The following CCDC146 variants were observed in gnomAD, a reference collection of about 807,000 sequenced individuals.
CCDC146 encodes the protein coiled-coil domain-containing protein 146.
CCDC146 carries 92 observed loss-of-function variants against 119.3 expected under a neutral mutation model. The observed-to-expected ratio is 0.77, with a 90% CI of 0.65 to 0.92. The LOEUF is 0.92. Ranked by LOEUF, CCDC146 falls within the 40% of genes least tolerant of loss-of-function variation. The probability of loss-of-function intolerance (pLI) is 0.00; values close to 1 mark genes in which losing one functional copy is unlikely to be tolerated. For missense variants in CCDC146, 1,000 were observed against 1,103.0 expected (o/e 0.91, Z 1.32); for synonymous variants, 372 against 371.8 (o/e 1.00, Z -0.01).
chr7:77,175,986 G>A (rs977818381), intron 2 of CCDC146, among the ~76,000 whole-genome samples: 2 of 151,194 alleles, frequency 1.3e-5, no homozygotes, highest in South Asian at 4.1e-4. Flanking sequence ...GGAAAGGGAG[G>A]CTTGACTGCT....
At chr7:77,187,426 T>C (rs1317111353) in intron 2 of CCDC146, among the ~76,000 whole-genome samples, 3 of 152,230 alleles carry the variant, frequency 2.0e-5, no homozygotes, top group Admixed American at 2.0e-4. Context: ...GTACATAAGC[T>C]CAGTCCAAAA....
At chr7:77,222,391 A>C (rs968788673) in intron 2 of CCDC146, among the ~76,000 whole-genome samples, 1 of 152,204 alleles carries the variant, frequency 6.6e-6, no homozygotes, top group African/African-American at 2.4e-5. Flanking sequence ...TCTTCAAAAC[A>C]TGAAGGTGGG....
chr7:77,149,078 T>C (rs1791068518), intron 1 of CCDC146, among the ~76,000 whole-genome samples: 1 of 152,078 alleles, frequency 6.6e-6, no homozygotes. Context: ...CTTCAAACTA[T>C]ACTACAAAGC....
intron 1 of CCDC146, among the ~76,000 whole-genome samples, chr7:77,144,841 T>G (rs1375469801): frequency 2.0e-5 from 3 of 151,746 alleles, no homozygotes; most frequent in African/African-American, 4.9e-5. Flanking sequence ...GAGGATTTTT[T>G]CATCGATGTT....
chr7:77,230,518 GTC>G (rs1491049269), intron 2 of CCDC146, among the ~76,000 whole-genome samples: 1 of 151,754 alleles, frequency 6.6e-6, no homozygotes, highest in East Asian at 1.9e-4. Context: ...GTGTGTGTGT[GTC>G]TGTTTTTTCT....
chr7:77,162,492 CT>C (rs1466319553), intron 1 of CCDC146, among the ~76,000 whole-genome samples: 1 of 152,038 alleles, frequency 6.6e-6, no homozygotes, highest in Non-Finnish European at 1.5e-5. Context: ...TTCCATTGGT[CT>C]TTTATTTTTA....
At chr7:77,177,940 T>A (rs1478249520) in intron 2 of CCDC146, among the ~76,000 whole-genome samples, 5 of 149,082 alleles carry the variant, frequency 3.4e-5, no homozygotes, top group Non-Finnish European at 7.4e-5. Context: ...TTGTTTTTAC[T>A]CTGACAGTGG....
intron 2 of CCDC146, among the ~76,000 whole-genome samples, chr7:77,205,005 G>C (rs1174536882): frequency 6.6e-6 from 1 of 152,034 alleles, no homozygotes; most frequent in Non-Finnish European, 1.5e-5. Context: ...TACAGTCCCA[G>C]CTGCTCAGGA....
At chr7:77,152,743 C>T (rs1791124821) in intron 1 of CCDC146, among the ~76,000 whole-genome samples, 1 of 152,140 alleles carries the variant, frequency 6.6e-6, no homozygotes, top group Admixed American at 6.6e-5. Context: ...ATCATCTTTT[C>T]CAGCCTATAG....
chr7:77,236,859 T>A (rs1000775901), intron 2 of CCDC146, 88 bp from the exon 3 acceptor site: 2 of 974,014 alleles, frequency 2.1e-6, no homozygotes, highest in African/African-American at 3.2e-5. Flanking sequence ...AATGGAGGAT[T>A]TTATAAGATA....
chr7:77,167,036 A>G (rs1791347270), intron 1 of CCDC146, among the ~76,000 whole-genome samples: 1 of 152,178 alleles, frequency 6.6e-6, no homozygotes, highest in Non-Finnish European at 1.5e-5. Flanking sequence ...TGCAATTGTA[A>G]TATTCTTTGG....
intron 9 of CCDC146, among the ~76,000 whole-genome samples, chr7:77,268,322 A>G (rs1468603338): frequency 2.6e-5 from 4 of 152,178 alleles, no homozygotes; most frequent in Non-Finnish European, 5.9e-5. Flanking sequence ...TCATGATTAC[A>G]GAGGGGCTTT....
In CCDC146 at chr7:77,167,675, G is replaced by A. The variant is rs1434708137; in HGVS notation, c.7G>A (p.Asp3Asn). 1.3e-6 allele frequency: 2 copies of A among 1,563,260 alleles called. No homozygotes were observed. The highest frequency in any genetic ancestry group is 2.8e-5 in the African/African-American group (2 of 72,272). The change falls in exon 2 of 19, where the codon GAC becomes AAC. Residue 3 changes from aspartate to asparagine, a missense_variant. This residue lies in a region of CCDC146 where 15 missense variants were observed against 57.7 expected (regional missense o/e 0.26). Coordinates refer to ENST00000285871, the MANE Select transcript of CCDC146 (RefSeq NM_020879.3). ...TATTTTAGAATCGTGAAAAATGGAA[G>A]ACAGTAGCACAGACACAGAAAAAGA... Reference protein sequence around the residue: MEDSSTDTEKEEE... With the variant: MENSSTDTEKEEE...
chr7:77,183,625 C>G (rs1035669595), intron 2 of CCDC146, among the ~76,000 whole-genome samples: 5 of 152,146 alleles, frequency 3.3e-5, no homozygotes, highest in African/African-American at 1.2e-4. Context: ...AGAATTCTAC[C>G]CATCTTTCAA....
chr7:77,248,150 A>G (rs1792989969), intron 4 of CCDC146, among the ~76,000 whole-genome samples: 1 of 152,224 alleles, frequency 6.6e-6, no homozygotes, highest in African/African-American at 2.4e-5. Context: ...GAAGGCCGTT[A>G]TCTTAAGTGA....
chr7:77,199,438 G>T (rs1322687544), intron 2 of CCDC146: 1 of 1,614,010 alleles, frequency 6.2e-7, no homozygotes, highest in Non-Finnish European at 8.5e-7. Context: ...CGGGGCTCCT[G>T]TACTGGGTAA....
At chr7:77,277,588 G>A (rs2177987) in intron 11 of CCDC146, among the ~76,000 whole-genome samples, 7,181 of 151,760 alleles carry the variant, frequency 0.047, 565 homozygotes, top group African/African-American at 0.16. Flanking sequence ...AAAGACAAAG[G>A]TGAAGAAAAA....
chr7:77,169,555 G>A (rs574622428), intron 2 of CCDC146, among the ~76,000 whole-genome samples: 1 of 152,208 alleles, frequency 6.6e-6, no homozygotes, highest in Non-Finnish European at 1.5e-5. Context: ...TTATTAGGTG[G>A]CTTTCTACTA....
chr7:77,276,069 G>A (rs1427947157), intron 11 of CCDC146, among the ~76,000 whole-genome samples: 2 of 151,990 alleles, frequency 1.3e-5, no homozygotes, highest in African/African-American at 2.4e-5. Flanking sequence ...AGCCAGGCAT[G>A]GTGGCAGGTG....
Sources: allele counts gnomAD v4.1 joint callset (sites outside exome capture counted in the v4.1 genomes callset), GRCh38; gene constraint gnomAD v4.1.1; regional missense constraint gnomAD v4.1.1; transcripts MANE v1.5; gene names NCBI Gene and HGNC (gene_info 2026-07-23, HGNC 2026-07-21).